Variants in L3MBTL4 observed in about 807,000 individuals in gnomAD.
L3MBTL4 encodes the protein lethal(3)malignant brain tumor-like protein 4.
L3MBTL4 carries 70 observed loss-of-function variants against 84.5 expected under a neutral mutation model. The observed-to-expected ratio is 0.83, with a 90% CI of 0.68 to 1.01. L3MBTL4 has a LOEUF of 1.01. Among genes scored for constraint, L3MBTL4 ranks in the 50% least tolerant of loss-of-function variants. The pLI is 0.00. For missense variants in L3MBTL4, 715 were observed against 754.8 expected (o/e 0.95, Z 0.62); for synonymous variants, 274 against 259.8 (o/e 1.05, Z -0.52).
chr18:6,088,104 CTA>C (rs1447999196), intron 15 of L3MBTL4, among the ~76,000 whole-genome samples: 2 of 152,186 alleles, frequency 1.3e-5, no homozygotes, highest in African/African-American at 4.8e-5. Flanking sequence ...GCACAACAAA[CTA>C]TTAAAAAGGT....
chr18:6,348,994 C>T (rs533889150), intron 1 of L3MBTL4, among the ~76,000 whole-genome samples: 11 of 152,274 alleles, frequency 7.2e-5, no homozygotes, highest in African/African-American at 2.4e-4. Flanking sequence ...ATTAAAACTA[C>T]AAAGTTACAC....
chr18:6,309,398 T>A (rs1303007117), intron 3 of L3MBTL4, among the ~76,000 whole-genome samples: 1 of 152,254 alleles, frequency 6.6e-6, no homozygotes, highest in Non-Finnish European at 1.5e-5. Flanking sequence ...GTGAACATGC[T>A]TTAAAATAAT....
At chr18:6,110,169 A>G (rs2144071841) in intron 14 of L3MBTL4, among the ~76,000 whole-genome samples, 1 of 152,328 alleles carries the variant, frequency 6.6e-6, no homozygotes, top group African/African-American at 2.4e-5. Context: ...CTCTAATGCC[A>G]TTTACATCTC....
At chr18:6,290,249 A>G (rs1442699163) in intron 4 of L3MBTL4, among the ~76,000 whole-genome samples, 1 of 151,738 alleles carries the variant, frequency 6.6e-6, no homozygotes. Context: ...CTTCCTATAA[A>G]AAGGAACAAT....
chr18:6,061,838 C>T (rs2057232971), intron 16 of L3MBTL4, among the ~76,000 whole-genome samples: 1 of 151,896 alleles, frequency 6.6e-6, no homozygotes, highest in Non-Finnish European at 1.5e-5. Context: ...ACACTTACAA[C>T]TTACCTAAGT....
chr18:6,377,140 G>A (rs992403444), intron 1 of L3MBTL4, among the ~76,000 whole-genome samples: 1 of 152,124 alleles, frequency 6.6e-6, no homozygotes, highest in Non-Finnish European at 1.5e-5. Context: ...ACCACCAGGA[G>A]CACTGTGTTG....
chr18:6,263,099 C>T (rs2048476822), intron 5 of L3MBTL4, among the ~76,000 whole-genome samples: 3 of 151,962 alleles, frequency 2.0e-5, no homozygotes, highest in Non-Finnish European at 4.4e-5. Flanking sequence ...ACAGCAAAAC[C>T]CTGTCTCTAC....
At chr18:6,167,019 C>T (rs1490591760) in intron 13 of L3MBTL4, among the ~76,000 whole-genome samples, 3 of 152,006 alleles carry the variant, frequency 2.0e-5, no homozygotes, top group Non-Finnish European at 4.4e-5. Context: ...CACAGAAATA[C>T]AAACTACCAT....
At chr18:6,005,477 T>G (rs2054432621) in intron 16 of L3MBTL4, among the ~76,000 whole-genome samples, 1 of 152,200 alleles carries the variant, frequency 6.6e-6, no homozygotes, top group Non-Finnish European at 1.5e-5. Flanking sequence ...TTTTTAGATC[T>G]TCTCTCTCCT....
chr18:6,308,767 T>C (rs568545373), intron 3 of L3MBTL4, among the ~76,000 whole-genome samples: 22 of 152,288 alleles, frequency 1.4e-4, no homozygotes, highest in Non-Finnish European at 2.9e-4. Flanking sequence ...TTTTTTCTTA[T>C]GTAGACATAC....
At chr18:6,372,203 T>C (rs901853253) in intron 1 of L3MBTL4, among the ~76,000 whole-genome samples, 1 of 152,208 alleles carries the variant, frequency 6.6e-6, no homozygotes, top group Non-Finnish European at 1.5e-5. Flanking sequence ...AAAAAAGTGG[T>C]GGCTGCCCCT....
chr18:5,984,613 T>A (rs1159767391), intron 16 of L3MBTL4, among the ~76,000 whole-genome samples: 1 of 152,226 alleles, frequency 6.6e-6, no homozygotes, highest in East Asian at 1.9e-4. Flanking sequence ...GGTAATTCCA[T>A]TTCAGATTTT....
intron 1 of L3MBTL4, among the ~76,000 whole-genome samples, chr18:6,383,526 A>T (rs898741148): frequency 6.6e-6 from 1 of 152,136 alleles, no homozygotes; most frequent in Admixed American, 6.5e-5. Flanking sequence ...ACAGTTCCTC[A>T]GGCTCAGTCC....
At chr18:6,204,534 A>G (rs1000028223) in intron 12 of L3MBTL4, among the ~76,000 whole-genome samples, 2 of 152,254 alleles carry the variant, frequency 1.3e-5, no homozygotes, top group Admixed American at 6.5e-5. Flanking sequence ...GCATCCATAT[A>G]TACATGCATG....
intron 16 of L3MBTL4, among the ~76,000 whole-genome samples, chr18:6,054,877 T>A (rs1255834206): frequency 6.6e-6 from 1 of 152,248 alleles, no homozygotes; most frequent in Non-Finnish European, 1.5e-5. Context: ...ACCACACAAC[T>A]GGGCTTCGGG....
chr18:6,014,504 T>C (rs188817452), intron 16 of L3MBTL4, among the ~76,000 whole-genome samples: 16 of 150,922 alleles, frequency 1.1e-4, no homozygotes, highest in Non-Finnish European at 5.9e-5. Flanking sequence ...AGGTTAGAGA[T>C]GGCTGCAGGG....
intron 1 of L3MBTL4, among the ~76,000 whole-genome samples, chr18:6,327,033 G>T (rs555585974): frequency 6.6e-6 from 1 of 152,120 alleles, no homozygotes; most frequent in Non-Finnish European, 1.5e-5. Context: ...GAAAAGAAAC[G>T]CACTATTACT....
At chr18:5,990,872 G>A (rs1304098783) in intron 16 of L3MBTL4, among the ~76,000 whole-genome samples, 1 of 151,954 alleles carries the variant, frequency 6.6e-6, no homozygotes, top group Non-Finnish European at 1.5e-5. Flanking sequence ...AGTAAGGGAT[G>A]GTCGTGAAGA....
At chr18:5,981,303 G>A (rs2053200095) in intron 16 of L3MBTL4, among the ~76,000 whole-genome samples, 1 of 152,114 alleles carries the variant, frequency 6.6e-6, no homozygotes, top group Non-Finnish European at 1.5e-5. Flanking sequence ...ACAGACTTCA[G>A]TCTTTAAAAA....
Sources: gnomAD v4.1 joint callset for allele counts (sites outside exome capture counted in the v4.1 genomes callset) on GRCh38, gnomAD v4.1.1 for gene constraint, MANE v1.5 for transcripts, NCBI Gene and HGNC (gene_info 2026-07-23, HGNC 2026-07-21) for gene names.